The following ANXA11 variants were observed in gnomAD, a reference collection of about 807,000 sequenced individuals.
The protein encoded by ANXA11 is annexin A11.
ANXA11 carries 57 observed loss-of-function variants against 64.7 expected under a neutral mutation model. That is an observed-to-expected ratio of 0.88 (90% CI 0.71 to 1.10). ANXA11 has a LOEUF of 1.10. ANXA11 is among the 50% of genes least tolerant of loss of function. The pLI is 0.00. For missense variants in ANXA11, 675 were observed against 670.7 expected (o/e 1.01, Z -0.07); for synonymous variants, 260 against 265.2 (o/e 0.98, Z 0.19).
intron 1 of ANXA11, chr10:80,205,015 G>C (rs1388678420): frequency 6.6e-6 from 1 of 152,108 alleles, no homozygotes; most frequent in African/African-American, 2.4e-5. Context: ...TGCCTCCTGC[G>C]CCCAGGGTCA....
intron 7 of ANXA11, chr10:80,166,583 C>T (rs11201950): frequency 0.21 from 96,346 of 467,186 alleles, 10,981 homozygotes; most frequent in Non-Finnish European, 0.25. Context: ...TCAGCTAAAC[C>T]CCCCAGGGTG....
At chr10:80,161,913 G>C (rs749857234) in intron 12 of ANXA11, 22 bp downstream of exon 12, 7 of 1,603,860 alleles carry the variant, frequency 4.4e-6, no homozygotes, top group Non-Finnish European at 6.0e-6. Flanking sequence ...ACTGGCCTCT[G>C]AGGGACCCCA....
At chr10:80,186,678 T>G (rs1379526232) in intron 1 of ANXA11, among the ~76,000 whole-genome samples, 1 of 151,988 alleles carries the variant, frequency 6.6e-6, no homozygotes, top group Non-Finnish European at 1.5e-5. Context: ...TTCACTGAGG[T>G]GTGGCATGGA....
chr10:80,158,967 T>A (rs1401024104), intron 13 of ANXA11, 133 bp downstream of exon 13: 5 of 696,242 alleles, frequency 7.2e-6, no homozygotes, highest in Non-Finnish European at 1.3e-5. Flanking sequence ...ATCTGGACAC[T>A]CTGGGCTGAG....
At chr10:80,165,689 C>T (rs1015297470) in intron 8 of ANXA11, among the ~76,000 whole-genome samples, 2 of 152,128 alleles carry the variant, frequency 1.3e-5, no homozygotes, top group African/African-American at 2.4e-5. Flanking sequence ...GTTCTTAAAC[C>T]GAAGTGTGTT....
At chr10:80,173,511 G>A (rs981384384) in intron 2 of ANXA11, among the ~76,000 whole-genome samples, 3 of 152,244 alleles carry the variant, frequency 2.0e-5, no homozygotes, top group African/African-American at 7.2e-5. Context: ...ATTAAGAGAA[G>A]TAAGTGATTT....
intron 1 of ANXA11, chr10:80,181,463 A>AAAAAAAT (rs781005322): frequency 2.6e-5 from 4 of 152,090 alleles, no homozygotes; most frequent in African/African-American, 9.7e-5. Context: ...ACCCTGTCTC[A>AAAAAAAT]AAAAAATAAA....
intron 1 of ANXA11, among the ~76,000 whole-genome samples, chr10:80,201,607 G>A (rs115595233): frequency 0.01 from 1,567 of 152,226 alleles, 28 homozygotes; most frequent in African/African-American, 0.036. Flanking sequence ...GAGTGGGGGC[G>A]GTCTCTCCTT....
intron 4 of ANXA11, among the ~76,000 whole-genome samples, chr10:80,170,060 A>G (rs1845911921): frequency 6.6e-6 from 1 of 150,978 alleles, no homozygotes; most frequent in Non-Finnish European, 1.5e-5. Context: ...ACATCACCCC[A>G]CCCCCACTCC....
At chr10:80,192,620 A>C (rs1024492860) in intron 1 of ANXA11, among the ~76,000 whole-genome samples, 32 of 152,228 alleles carry the variant, frequency 2.1e-4, no homozygotes, top group African/African-American at 7.5e-4. Context: ...GAGAAGAGGC[A>C]GAAGATACTA....
At chr10:80,167,662 C>T (rs537247217) in intron 5 of ANXA11, among the ~76,000 whole-genome samples, 29 of 152,324 alleles carry the variant, frequency 1.9e-4, no homozygotes, top group Non-Finnish European at 3.5e-4. Flanking sequence ...CCTCTCTCAT[C>T]GATGCCTGGC....
chr10:80,163,649 C>T (rs1315276465), intron 9 of ANXA11, 36 bp from the exon 10 acceptor site: 1 of 1,536,758 alleles, frequency 6.5e-7, no homozygotes, highest in Non-Finnish European at 8.8e-7. Flanking sequence ...CATCCTGTAG[C>T]TCTCTTTATG....
At chr10:80,171,776 T>C in intron 3 of ANXA11, 1 of 985,556 alleles carries the variant, frequency 1.0e-6, no homozygotes, top group Non-Finnish European at 1.2e-6. Flanking sequence ...TCCTCCTCTC[T>C]TGCTGCTCAG....
chr10:80,172,971 C>A, intron 2 of ANXA11, 102 bp from the exon 3 acceptor site: 1 of 986,784 alleles, frequency 1.0e-6, no homozygotes, highest in Non-Finnish European at 1.6e-6. Flanking sequence ...CAACTGGGAC[C>A]CTGCAGAAGA....
chr10:80,189,977 T>C (rs1846700209), intron 1 of ANXA11, among the ~76,000 whole-genome samples: 1 of 152,210 alleles, frequency 6.6e-6, no homozygotes, highest in Non-Finnish European at 1.5e-5. Context: ...TGTGGATAAA[T>C]CTTCAACACA....
intron 1 of ANXA11, among the ~76,000 whole-genome samples, chr10:80,203,773 G>A (rs904923530): frequency 1.2e-4 from 19 of 152,250 alleles, no homozygotes; most frequent in Non-Finnish European, 2.6e-4. Context: ...GCTCCCAGGA[G>A]GGTGGAGAAT....
Position 80,152,886 on chromosome 10 carries a change from G to C in ANXA11, c.*2967C>G, listed in dbSNP as rs1158708475. The C allele has an allele frequency of 6.6e-6, 1 of 152,236 alleles. No individual in the cohort carries two copies. Among genetic ancestry groups the C allele is most frequent in the Non-Finnish European group, 1.5e-5 (1 of 68,056 alleles). The allele number at this position is 152,236 out of a possible 1,614,324, so 9.4% of individuals were successfully genotyped here. ...GGGTCAATAGCTTCACTCTCTCTGGGTGCTAGTGCACACCACGTGGAGCCA... is the reference window on the plus strand; with the variant it reads ...GGGTCAATAGCTTCACTCTCTCTGGCTGCTAGTGCACACCACGTGGAGCCA... On this transcript the variant is annotated 3_prime_UTR_variant, in exon 16 of 16. Transcript: ENST00000422982.
At chr10:80,199,062 T>C (rs1367347418) in intron 1 of ANXA11, among the ~76,000 whole-genome samples, 1 of 152,062 alleles carries the variant, frequency 6.6e-6, no homozygotes, top group African/African-American at 2.4e-5. Context: ...GAGAAACAAA[T>C]TTTATTTACG....
chr10:80,166,022 G>C, intron 8 of ANXA11, 62 bp downstream of exon 8: 1 of 1,037,614 alleles, frequency 9.6e-7, no homozygotes, highest in Non-Finnish European at 1.4e-6. Context: ...ACACGCATGC[G>C]CGCGTGCGCA....
Sources: allele counts gnomAD v4.1 joint callset (sites outside exome capture counted in the v4.1 genomes callset), GRCh38; gene constraint gnomAD v4.1.1; transcripts MANE v1.5; gene names NCBI Gene and HGNC (gene_info 2026-07-23, HGNC 2026-07-21).